The following PTPRN2 variants were observed in gnomAD, a reference collection of about 807,000 sequenced individuals.
The protein encoded by PTPRN2 is protein tyrosine phosphatase receptor type N2, also known as receptor-type tyrosine-protein phosphatase N2.
PTPRN2 carries 74 observed loss-of-function variants against 118.8 expected under a neutral mutation model. The observed-to-expected ratio is 0.62, with a 90% CI of 0.52 to 0.76. The LOEUF (loss-of-function observed/expected upper bound fraction) is 0.76, where lower values mean the gene tolerates loss of function less well. Ranked by LOEUF, PTPRN2 falls within the 30% of genes least tolerant of loss-of-function variation. The probability of loss-of-function intolerance (pLI) is 0.00; values close to 1 mark genes in which losing one functional copy is unlikely to be tolerated. For synonymous variants in PTPRN2, 641 were observed against 608.0 expected (o/e 1.05, Z -0.80); for missense variants, 1,481 against 1,394.4 (o/e 1.06, Z -0.99).
At chr7:157,613,946 G>A (rs1302405899) in intron 15 of PTPRN2, 1 of 456,548 alleles carries the variant, frequency 2.2e-6, no homozygotes, top group Non-Finnish European at 4.6e-6. Flanking sequence ...GGCCAGGGGC[G>A]ACCCTCCCGT....
chr7:157,937,337 GT>G (rs1189025589), intron 11 of PTPRN2, among the ~76,000 whole-genome samples: 17 of 152,178 alleles, frequency 1.1e-4, no homozygotes, highest in South Asian at 6.2e-4. Flanking sequence ...GAAGAGGAAG[GT>G]TTTGAAGGTG....
At chr7:158,122,301 C>A (rs149006318) in intron 9 of PTPRN2, among the ~76,000 whole-genome samples, 319 of 152,266 alleles carry the variant, frequency 2.1e-3, no homozygotes, top group African/African-American at 7.3e-3. Flanking sequence ...GTTGGACAAG[C>A]CTGTTCCTAT....
intron 3 of PTPRN2, among the ~76,000 whole-genome samples, chr7:158,245,347 G>A (rs572846453): frequency 6.6e-5 from 10 of 152,368 alleles, no homozygotes; most frequent in Admixed American, 2.6e-4. Flanking sequence ...GATGGTGCAC[G>A]TGACCCACGA....
intron 6 of PTPRN2, among the ~76,000 whole-genome samples, chr7:158,149,056 C>G (rs1820571173): frequency 7.3e-6 from 1 of 137,102 alleles, no homozygotes; most frequent in African/African-American, 2.8e-5. Context: ...GACACCCCAT[C>G]TCATGCCACG....
chr7:157,648,607 T>C (rs1394784824), intron 14 of PTPRN2, among the ~76,000 whole-genome samples: 2 of 134,352 alleles, frequency 1.5e-5, no homozygotes, highest in Non-Finnish European at 3.2e-5. Flanking sequence ...GTCGGACCCA[T>C]CCAGCGTGCA....
At chr7:158,481,271 G>A (rs1820621843) in intron 2 of PTPRN2, among the ~76,000 whole-genome samples, 1 of 152,198 alleles carries the variant, frequency 6.6e-6, no homozygotes, top group Non-Finnish European at 1.5e-5. Context: ...ATGGTTTACT[G>A]AATATTTTAA....
chr7:157,904,922 T>C (rs1256189879), intron 11 of PTPRN2, among the ~76,000 whole-genome samples: 2 of 152,168 alleles, frequency 1.3e-5, no homozygotes, highest in Non-Finnish European at 2.9e-5. Context: ...GGAAAAACAA[T>C]GCCTCGTGGT....
rs1299718895 is a variant in PTPRN2 at position 158,167,183 on chromosome 7, T to C, written c.658A>G (p.Thr220Ala). The change falls in exon 6 of 23, where the codon ACC becomes GCC. Residue 220 changes from threonine to alanine, a missense_variant. By Grantham distance (58) the Thr-to-Ala change is moderately conservative (BLOSUM62 0). Around this residue, in one of 3 missense-constraint regions of PTPRN2, gnomAD observed 1,115 missense variants for 994.2 expected, o/e 1.12. Transcript: ENST00000389418. ...TCATCTGGCTGGAGCTGGCCGAGGG[T>C]CCGCGGCAGGAGGTCCTCGCGGAGC... ...TQLREDLLPR[T>A]LGQLQPDELS... The C allele has an allele frequency of 6.2e-7, 1 of 1,613,594 alleles. No individual in the cohort carries two copies. Among genetic ancestry groups the C allele is most frequent in the African/African-American group, 1.3e-5 (1 of 74,892 alleles).
chr7:157,696,573 C>T (rs1438330164), intron 12 of PTPRN2, among the ~76,000 whole-genome samples: 1 of 139,292 alleles, frequency 7.2e-6, no homozygotes, highest in Non-Finnish European at 1.6e-5. Flanking sequence ...TAGTAGAGCC[C>T]TCACCATCTA....
At chr7:158,557,795 G>A (rs567356537) in intron 1 of PTPRN2, among the ~76,000 whole-genome samples, 24 of 152,300 alleles carry the variant, frequency 1.6e-4, no homozygotes, top group African/African-American at 5.3e-4. Flanking sequence ...GGTCAGGAAG[G>A]AAGGGTGACT....
chr7:158,390,069 A>C (rs1392532993), intron 2 of PTPRN2, among the ~76,000 whole-genome samples: 1 of 152,220 alleles, frequency 6.6e-6, no homozygotes, highest in East Asian at 1.9e-4. Context: ...CACGATACTC[A>C]GCTGCGTTTA....
chr7:157,576,570 G>T (rs1284350731), intron 19 of PTPRN2, 43 bp downstream of exon 19: 14 of 1,551,190 alleles, frequency 9.0e-6, no homozygotes, highest in Non-Finnish European at 1.2e-5. Context: ...CCTGTGCCGC[G>T]CGCTCAGCGC....
intron 5 of PTPRN2, among the ~76,000 whole-genome samples, chr7:158,187,773 T>C (rs1276422949): frequency 6.6e-5 from 10 of 152,214 alleles, no homozygotes; most frequent in African/African-American, 2.4e-4. Flanking sequence ...CGGAGCTCAT[T>C]AATTCAAACT....
chr7:158,429,465 TCCCACGGACCGTCAG>T (rs1189164993), intron 2 of PTPRN2, among the ~76,000 whole-genome samples: 1 of 152,182 alleles, frequency 6.6e-6, no homozygotes, highest in African/African-American at 2.4e-5. Flanking sequence ...TCTGCCTCGT[TCCCACGGACCGTCAG>T]CCCAATGCTG....
At chr7:157,994,038 A>G (rs570483650) in intron 11 of PTPRN2, among the ~76,000 whole-genome samples, 1 of 152,308 alleles carries the variant, frequency 6.6e-6, no homozygotes, top group Admixed American at 6.5e-5. Context: ...AATTTATCGC[A>G]AAGTCCCTGT....
chr7:157,847,395 C>A (rs1808916778), intron 12 of PTPRN2, among the ~76,000 whole-genome samples: 1 of 150,966 alleles, frequency 6.6e-6, no homozygotes, highest in Admixed American at 6.6e-5. Context: ...ATCACGTGTG[C>A]CCAATGTTTA....
At chr7:158,540,680 C>T (rs1825934734) in intron 1 of PTPRN2, among the ~76,000 whole-genome samples, 1 of 152,216 alleles carries the variant, frequency 6.6e-6, no homozygotes. Flanking sequence ...TGGGGTCGCC[C>T]CAGGGCCCAC....
intron 2 of PTPRN2, among the ~76,000 whole-genome samples, chr7:158,321,935 C>A (rs34941262): frequency 2.6e-5 from 4 of 152,064 alleles, no homozygotes; most frequent in Middle Eastern, 3.2e-3. Context: ...ATCATAAACC[C>A]TTCCGGCAAA....
At chr7:157,898,463 G>A (rs1229684931) in intron 12 of PTPRN2, among the ~76,000 whole-genome samples, 1 of 152,178 alleles carries the variant, frequency 6.6e-6, no homozygotes, top group Non-Finnish European at 1.5e-5. Flanking sequence ...GGACTTCAAA[G>A]GCCCTAAGAC....
Sources: allele counts gnomAD v4.1 joint callset (sites outside exome capture counted in the v4.1 genomes callset), GRCh38; gene constraint gnomAD v4.1.1; regional missense constraint gnomAD v4.1.1; transcripts MANE v1.5; gene names NCBI Gene and HGNC (gene_info 2026-07-23, HGNC 2026-07-21).